DRC11: variants seen among roughly 807,000 people sequenced by gnomAD.
The protein encoded by DRC11 is IQ and AAA domain-containing protein 1.
the DRC11 span, among the ~76,000 whole-genome samples, chr2:236,337,661 T>C: frequency 9.2e-5 from 14 of 152,212 alleles, no homozygotes; most frequent in African/African-American, 3.4e-4. The surrounding 1 kb of genome is among the most constrained non-coding windows in gnomAD (Gnocchi z 4.9). Flanking sequence ...CAGGGGCTCT[T>C]TTTTTGTGTC....
the DRC11 span, among the ~76,000 whole-genome samples, chr2:236,490,745 C>A: frequency 6.6e-6 from 1 of 151,626 alleles, no homozygotes; most frequent in African/African-American, 2.4e-5. The surrounding 1 kb of genome is among the most constrained non-coding windows in gnomAD (Gnocchi z 5.5). Flanking sequence ...AGGAGATGGA[C>A]AATAATTTTC....
the DRC11 span, among the ~76,000 whole-genome samples, chr2:236,435,230 C>T: frequency 8.1e-4 from 124 of 152,348 alleles, no homozygotes; most frequent in Admixed American, 1.8e-3. Context: ...TGTTACTTAA[C>T]GAATTTCCTG....
At chr2:236,495,445 G>A in the DRC11 span, among the ~76,000 whole-genome samples, 721 of 152,336 alleles carry the variant, frequency 4.7e-3, 11 homozygotes, top group African/African-American at 0.016. The surrounding 1 kb of genome is among the most constrained non-coding windows in gnomAD (Gnocchi z 5.6). Flanking sequence ...TGTCCATGAT[G>A]CGTTTCATGT....
chr2:236,436,033 A>G, the DRC11 span, among the ~76,000 whole-genome samples: 145 of 152,300 alleles, frequency 9.5e-4, no homozygotes, highest in African/African-American at 3.3e-3. Context: ...GCAATGTATG[A>G]GAGTGACTTT....
the DRC11 span, among the ~76,000 whole-genome samples, chr2:236,490,462 G>A: frequency 5.3e-5 from 8 of 152,134 alleles, no homozygotes; most frequent in East Asian, 3.8e-4. This position sits in a 1 kb window ranked among gnomAD's most constrained non-coding sequence, Gnocchi z 5.5. Context: ...AGATTTCACC[G>A]CTTCAAATTT....
At chr2:236,341,191 C>A in the DRC11 span, among the ~76,000 whole-genome samples, 1 of 152,234 alleles carries the variant, frequency 6.6e-6, no homozygotes, top group Admixed American at 6.5e-5. Context: ...GATTCCTTGG[C>A]AGAGGCACTA....
chr2:236,498,044 A>C, the DRC11 span, among the ~76,000 whole-genome samples: 2 of 152,212 alleles, frequency 1.3e-5, no homozygotes, highest in Admixed American at 1.3e-4. Context: ...GGATAAATAA[A>C]TTGTAGTATA....
chr2:236,396,631 G>A, the DRC11 span, among the ~76,000 whole-genome samples: 1 of 152,074 alleles, frequency 6.6e-6, no homozygotes, highest in Non-Finnish European at 1.5e-5. Context: ...AATGCTTAAC[G>A]TTTGCTTGTA....
At chr2:236,397,820 C>T in the DRC11 span, among the ~76,000 whole-genome samples, 18 of 152,202 alleles carry the variant, frequency 1.2e-4, no homozygotes, top group African/African-American at 3.9e-4. This position sits in a 1 kb window ranked among gnomAD's most constrained non-coding sequence, Gnocchi z 5.0. Context: ...ACAGAAACTA[C>T]TCAGTTTATG....
the DRC11 span, among the ~76,000 whole-genome samples, chr2:236,337,696 A>G: frequency 6.6e-6 from 1 of 152,224 alleles, no homozygotes; most frequent in African/African-American, 2.4e-5. The surrounding 1 kb of genome is among the most constrained non-coding windows in gnomAD (Gnocchi z 4.9). Flanking sequence ...ACATGTTTCA[A>G]AAGAAGTGGA....
At chr2:236,415,459 T>C in the DRC11 span, among the ~76,000 whole-genome samples, 1 of 152,200 alleles carries the variant, frequency 6.6e-6, no homozygotes, top group African/African-American at 2.4e-5. This position sits in a 1 kb window ranked among gnomAD's most constrained non-coding sequence, Gnocchi z 5.7. Context: ...GTCTCAGGAA[T>C]GGTTTGAGGT....
chr2:236,450,816 T>C, the DRC11 span, among the ~76,000 whole-genome samples: 1 of 152,238 alleles, frequency 6.6e-6, no homozygotes, highest in Non-Finnish European at 1.5e-5. Context: ...GCATTTACCT[T>C]GTTTTTCTTT....
chr2:236,322,115 T>C, the DRC11 span, among the ~76,000 whole-genome samples: 11 of 152,116 alleles, frequency 7.2e-5, no homozygotes, highest in African/African-American at 2.7e-4. Context: ...TTAAATACTC[T>C]TGGTCTGTAA....
chr2:236,341,331 C>A, the DRC11 span, among the ~76,000 whole-genome samples: 1 of 152,114 alleles, frequency 6.6e-6, no homozygotes, highest in African/African-American at 2.4e-5. Context: ...TGAGCGCACT[C>A]GAGGCGCAGG....
At chr2:236,346,613 G>A in the DRC11 span, 556 of 169,026 alleles carry the variant, frequency 3.3e-3, 4 homozygotes, top group African/African-American at 0.012. Context: ...ACGAGTAGGT[G>A]GTTATGTTAC....
the DRC11 span, among the ~76,000 whole-genome samples, chr2:236,338,975 G>T: frequency 6.6e-6 from 1 of 152,206 alleles, no homozygotes; most frequent in Non-Finnish European, 1.5e-5. Context: ...CTTCCAGCCC[G>T]TGGGAGTCAG....
chr2:236,482,078 ATATGTATAATTC>A, the DRC11 span, among the ~76,000 whole-genome samples: 902 of 100,546 alleles, frequency 9.0e-3, no homozygotes, highest in African/African-American at 0.017. The surrounding 1 kb of genome is among the most constrained non-coding windows in gnomAD (Gnocchi z 4.5). Context: ...TCTACATATT[ATATGTATAATTC>A]TATGTATAAT....
chr2:236,408,110 C>G, the DRC11 span: 3 of 643,746 alleles, frequency 4.7e-6, no homozygotes, highest in South Asian at 4.1e-5. This position sits in a 1 kb window ranked among gnomAD's most constrained non-coding sequence, Gnocchi z 5.5. Flanking sequence ...CCATATGGGA[C>G]AAAGCCACCC....
At chr2:236,383,775 T>C in the DRC11 span, among the ~76,000 whole-genome samples, 1 of 152,140 alleles carries the variant, frequency 6.6e-6, no homozygotes, top group Non-Finnish European at 1.5e-5. Flanking sequence ...TAACGCATCA[T>C]CTAGCATTAG....
Sources: allele counts gnomAD v4.1 joint callset (sites outside exome capture counted in the v4.1 genomes callset), GRCh38; gene constraint gnomAD v4.1.1; non-coding constraint Gnocchi (gnomAD v3.1); transcripts MANE v1.5; gene names NCBI Gene and HGNC (gene_info 2026-07-23, HGNC 2026-07-21).